PLEKHA5: variants seen among roughly 807,000 people sequenced by gnomAD.
The protein encoded by PLEKHA5 is pleckstrin homology domain-containing family A member 5.
Under a neutral mutation model 181.9 loss-of-function variants are expected in PLEKHA5, and 55 were observed. That is an observed-to-expected ratio of 0.30 (90% CI 0.24 to 0.38). The LOEUF (loss-of-function observed/expected upper bound fraction) is 0.38, where lower values mean the gene tolerates loss of function less well. Among genes scored for constraint, PLEKHA5 ranks in the 10% least tolerant of loss-of-function variants. The probability of loss-of-function intolerance (pLI) is 1.00; values close to 1 mark genes in which losing one functional copy is unlikely to be tolerated. For synonymous variants in PLEKHA5, 535 were observed against 529.4 expected, an observed-to-expected ratio of 1.01 and a Z score of -0.15; for missense variants, 1,432 against 1,549.5, an observed-to-expected ratio of 0.92 and a Z score of 1.27.
At chr12:19,283,772 A>C in intron 12 of PLEKHA5, 27 bp downstream of exon 12, 1 of 1,382,208 alleles carries the variant, frequency 7.2e-7, no homozygotes, top group Middle Eastern at 1.8e-4. Flanking sequence ...TTTTGTGTTA[A>C]CTCACTACCT....
chr12:19,330,059 A>C (rs977007196), intron 20 of PLEKHA5, among the ~76,000 whole-genome samples: 3 of 152,198 alleles, frequency 2.0e-5, no homozygotes, highest in African/African-American at 7.2e-5. Context: ...TCAAAAAACA[A>C]AACAAAAGAA....
At chr12:19,300,972 TAAAAA>T (rs57234099) in intron 15 of PLEKHA5, among the ~76,000 whole-genome samples, 18 of 127,586 alleles carry the variant, frequency 1.4e-4, no homozygotes, top group Non-Finnish European at 8.2e-5. Context: ...CCATCTCTAC[TAAAAA>T]AAAAAAAAAA....
intron 11 of PLEKHA5, among the ~76,000 whole-genome samples, chr12:19,281,768 T>TTTGTTGTTGTTGTTG (rs71064075): frequency 1.4e-4 from 21 of 149,618 alleles, no homozygotes; most frequent in African/African-American, 5.1e-4. Flanking sequence ...CAAAGTGGTT[T>TTTGTTGTTGTTGTTG]TTGTTGTTGT....
chr12:19,205,373 G>T, intron 3 of PLEKHA5: 1 of 984,990 alleles, frequency 1.0e-6, no homozygotes, highest in Non-Finnish European at 1.2e-6. Context: ...CAGGAAGCAT[G>T]TAATTTGTCT....
chr12:19,345,650 AG>A lies in PLEKHA5; in HGVS notation c.2663-191del, dbSNP rs1288815619. Among the ~76,000 whole-genome samples the A allele has an allele frequency of 2.0e-5, 3 of 151,940 alleles. No individual in the cohort carries two copies. In the East Asian group the frequency reaches 5.9e-4, roughly 30 times the overall value. On this transcript the variant is annotated intron_variant, in intron 22 of 31. Transcript: ENST00000429027. Reference sequence around the variant, plus strand: ...CGTGGTGGCGCACGCCTGTAGTCCCAGCTACGAGAGGCTGAGGCACAAGAAT... The same window carrying A: ...CGTGGTGGCGCACGCCTGTAGTCCCACTACGAGAGGCTGAGGCACAAGAAT...
intron 20 of PLEKHA5, among the ~76,000 whole-genome samples, chr12:19,333,612 T>C (rs1339382202): frequency 2.1e-5 from 3 of 146,186 alleles, no homozygotes; most frequent in Non-Finnish European, 4.5e-5. Flanking sequence ...TTCATTCTCT[T>C]TTTTTTTTTT....
At chr12:19,224,620 A>G (rs979154472) in intron 3 of PLEKHA5, among the ~76,000 whole-genome samples, 1 of 152,200 alleles carries the variant, frequency 6.6e-6, no homozygotes, top group Non-Finnish European at 1.5e-5. Flanking sequence ...GTTTAATGAA[A>G]TATTTCTAAA....
intron 3 of PLEKHA5, among the ~76,000 whole-genome samples, chr12:19,225,304 C>T (rs1244134793): frequency 6.6e-6 from 1 of 152,132 alleles, no homozygotes; most frequent in Non-Finnish European, 1.5e-5. Flanking sequence ...CTTTTCATAA[C>T]GTTCCTCAGA....
chr12:19,340,945 T>TAAAAAAAAA (rs58915493), intron 21 of PLEKHA5, among the ~76,000 whole-genome samples: 1 of 62,796 alleles, frequency 1.6e-5, no homozygotes, highest in Admixed American at 1.4e-4. Context: ...GAATGATCAA[T>TAAAAAAAAA]AAAAAAAAAA....
chr12:19,224,979 A>G (rs957601709), intron 3 of PLEKHA5, among the ~76,000 whole-genome samples: 6 of 152,190 alleles, frequency 3.9e-5, no homozygotes, highest in African/African-American at 1.4e-4. Context: ...CCTGGGCAAC[A>G]TAGCAAGACC....
chr12:19,215,196 A>G (rs2057723206), intron 3 of PLEKHA5, among the ~76,000 whole-genome samples: 1 of 152,172 alleles, frequency 6.6e-6, no homozygotes, highest in South Asian at 2.1e-4. Context: ...AAATTGCTCT[A>G]AAATGTATCT....
At position 19,130,123 on chromosome 12, in the gene PLEKHA5, G is replaced by C; in HGVS notation, c.162G>C (p.Gln54His). 1 of 1,573,744 alleles carries C rather than the reference G, an allele frequency of 6.4e-7. No individual in the cohort carries two copies. The highest frequency in any genetic ancestry group is 8.6e-7 in the Non-Finnish European group (1 of 1,161,086). ...GEAVVTGHRR[Q>H]STDLPTGWEE... The stretch of plus-strand genomic sequence containing the variant: ...CGGTGGTCACCGGACACCGGCGGCA[G>C]AGCACAGGTAACGCCGGGCCCAAAC... The change falls in exon 2 of 32, where the codon CAG becomes CAC. Residue 54 changes from glutamine (Q) to histidine (H), a missense_variant. Physicochemically the swap from Gln to His is conservative, Grantham distance 24 (BLOSUM62 0). Transcript: ENST00000429027. The surrounding 1 kb of genome is among the most constrained non-coding windows in gnomAD (Gnocchi z 4.5).
intron 3 of PLEKHA5, among the ~76,000 whole-genome samples, chr12:19,223,668 T>A (rs895942767): frequency 6.6e-6 from 1 of 152,208 alleles, no homozygotes; most frequent in South Asian, 2.1e-4. Context: ...TCATTTAAAC[T>A]GTTCCTATAA....
intron 3 of PLEKHA5, among the ~76,000 whole-genome samples, chr12:19,235,157 C>T (rs1349736254): frequency 6.6e-6 from 1 of 152,114 alleles, no homozygotes; most frequent in African/African-American, 2.4e-5. Context: ...TTATAGCAAA[C>T]TGTGTTGGCT....
intron 4 of PLEKHA5, 118 bp downstream of exon 4, chr12:19,254,141 A>T (rs2066181390): frequency 1.5e-6 from 1 of 686,652 alleles, no homozygotes; most frequent in Admixed American, 2.6e-5. Flanking sequence ...CAAGTATAAT[A>T]ACAGAATGCC....
intron 4 of PLEKHA5, 36 bp from the exon 5 acceptor site, chr12:19,255,009 C>A: frequency 1.3e-6 from 2 of 1,570,100 alleles, no homozygotes; most frequent in South Asian, 1.2e-5. Context: ...GGGTTACATA[C>A]ACAGCAAGTT....
intron 10 of PLEKHA5, among the ~76,000 whole-genome samples, chr12:19,273,591 C>T (rs2073696300): frequency 6.6e-6 from 1 of 152,086 alleles, no homozygotes; most frequent in South Asian, 2.1e-4. Context: ...CAGTTTCGTG[C>T]AGGTTCACAC....
intron 25 of PLEKHA5, among the ~76,000 whole-genome samples, chr12:19,350,598 A>G (rs1463918736): frequency 6.6e-6 from 1 of 152,088 alleles, no homozygotes; most frequent in Non-Finnish European, 1.5e-5. Context: ...GCGAAGCCCC[A>G]TCTCTACTAA....
intron 3 of PLEKHA5, among the ~76,000 whole-genome samples, chr12:19,160,244 A>G (rs2042669765): frequency 2.0e-5 from 3 of 152,046 alleles, no homozygotes; most frequent in African/African-American, 7.2e-5. Context: ...AGTTCATGTT[A>G]TTGAACACTG....
Sources: allele counts gnomAD v4.1 joint callset (sites outside exome capture counted in the v4.1 genomes callset), GRCh38; gene constraint gnomAD v4.1.1; non-coding constraint Gnocchi (gnomAD v3.1); transcripts MANE v1.5; gene names NCBI Gene and HGNC (gene_info 2026-07-23, HGNC 2026-07-21).